CMYA5: variants seen among roughly 807,000 people sequenced by gnomAD.
The protein encoded by CMYA5 is cardiomyopathy associated 5.
CMYA5 carries 246 observed loss-of-function variants against 318.9 expected under a neutral mutation model. The ratio of observed to expected loss-of-function variants is 0.77; its 90% confidence interval spans 0.70 to 0.86. The LOEUF is 0.86. CMYA5 is among the 40% of genes least tolerant of loss of function. CMYA5 has a pLI of 0.00. For synonymous variants in CMYA5, 1,641 were observed against 1,729.5 expected (o/e 0.95, Z 1.27); for missense variants, 4,589 against 4,678.2 (o/e 0.98, Z 0.56).
chr5:79,748,528 T>TAC (rs1561218148), intron 5 of CMYA5, among the ~76,000 whole-genome samples: 3 of 131,292 alleles, frequency 2.3e-5, no homozygotes, highest in African/African-American at 1.2e-4. Flanking sequence ...TACCTATCTA[T>TAC]CTATCTATCT....
At chr5:79,710,999 C>T (rs867983183) in intron 1 of CMYA5, among the ~76,000 whole-genome samples, 31 of 152,230 alleles carry the variant, frequency 2.0e-4, no homozygotes, top group Middle Eastern at 3.4e-3. Context: ...CTAACTTATT[C>T]CAATACAGTC....
chr5:79,792,093 G>C (rs2151101018), intron 11 of CMYA5, among the ~76,000 whole-genome samples: 1 of 152,292 alleles, frequency 6.6e-6, no homozygotes, highest in East Asian at 1.9e-4. Context: ...GCCTGTCTGT[G>C]GCCAAGCTCA....
intron 9 of CMYA5, among the ~76,000 whole-genome samples, chr5:79,768,760 T>C (rs980574345): frequency 1.4e-5 from 2 of 143,922 alleles, no homozygotes; most frequent in East Asian, 2.2e-4. Flanking sequence ...GTGAATCAGA[T>C]GATTATGTGT....
intron 12 of CMYA5, among the ~76,000 whole-genome samples, chr5:79,797,064 A>G (rs1452818930): frequency 6.6e-6 from 1 of 152,242 alleles, no homozygotes; most frequent in East Asian, 1.9e-4. Flanking sequence ...TAATTTGCTA[A>G]CAACCTGTAC....
chr5:79,717,443 G>A (rs2151080287), intron 1 of CMYA5, among the ~76,000 whole-genome samples: 1 of 152,266 alleles, frequency 6.6e-6, no homozygotes, highest in South Asian at 2.1e-4. Context: ...GATTCCAGAA[G>A]TTCAGAGGCA....
In CMYA5 at chr5:79,737,916, G is replaced by A; in HGVS notation, c.9151G>A (p.Asp3051Asn). The change falls in exon 2 of 13, where the codon GAT (aspartate) becomes AAT (asparagine). Residue 3051 changes from aspartate to asparagine, a missense_variant. Coordinates refer to ENST00000446378, the MANE Select transcript of CMYA5 (RefSeq NM_153610.5). ...FIQPTIPSEE[D>N]YFEKYTLIDY... ...TCAGCCCACAATTCCCAGTGAAGAG[G>A]ATTATTTTGAAAAATATACTTTGAT... 6.2e-7 allele frequency: 1 copy of A among 1,606,296 alleles called. No individual in the cohort carries two copies. Among genetic ancestry groups the A allele is most frequent in the Non-Finnish European group, 8.5e-7 (1 of 1,178,114 alleles).
intron 9 of CMYA5, among the ~76,000 whole-genome samples, chr5:79,787,401 C>A (rs991884488): frequency 9.2e-5 from 14 of 152,180 alleles, no homozygotes; most frequent in African/African-American, 3.1e-4. Flanking sequence ...TAAAACATTT[C>A]TTCAGTCATC....
In CMYA5 at chr5:79,731,961, G is replaced by A; in HGVS notation, c.3196G>A (p.Ala1066Thr). 6.2e-7 allele frequency: 1 copy of A among 1,613,494 alleles called. No individual in the cohort carries two copies. The highest frequency in any genetic ancestry group is 8.5e-7 in the Non-Finnish European group (1 of 1,179,758). ...GTTCAGTTCATCACAGAAGCAAAAA[G>A]CTGAAACTTTCCCTTTGATGTCTCC... Reference protein sequence around the residue: ...EQFSSSQKQKAETFPLMSPLE... With the variant: ...EQFSSSQKQKTETFPLMSPLE... Residue 1066 changes from alanine (A) to threonine (T), a missense_variant, in exon 2 of 13, where the codon GCT (alanine) becomes ACT (threonine). Transcript: ENST00000446378.
rs1171231451 is a variant in CMYA5, at chr5:79,734,766, G to C, written c.6001G>C (p.Glu2001Gln). ...PKSLVLAGNV[E>Q]RNIAEGKEIH... The stretch of plus-strand genomic sequence containing the variant: ...GTCTTTAGTCCTAGCTGGAAATGTA[G>C]AGAGAAACATAGCAGAGGGGAAGGA... Residue 2001 changes from glutamate to glutamine, a missense_variant, in exon 2 of 13, where the codon GAG becomes CAG. This residue lies in a region of CMYA5 where 2,431 missense variants were observed against 2,495.1 expected (regional missense o/e 0.97). Coordinates refer to ENST00000446378, the MANE Select transcript of CMYA5 (RefSeq NM_153610.5). 3.1e-6 allele frequency: 5 copies of C among 1,613,708 alleles called. No individual in the cohort carries two copies. The highest frequency in any genetic ancestry group is 2.5e-6 in the Non-Finnish European group (3 of 1,179,840).
rs527286646 is a variant in CMYA5, at chr5:79,741,298, C to T, written c.10638+1895C>T. On this transcript the variant is annotated intron_variant, in intron 2 of 12. Coordinates refer to ENST00000446378, the MANE Select transcript of CMYA5 (RefSeq NM_153610.5). ...ATGATTTGCCCAAGGTCATGGAAGGCGAAACTGGGGCTGGTACCCAGATCT... is the reference window on the plus strand; with the variant it reads ...ATGATTTGCCCAAGGTCATGGAAGGTGAAACTGGGGCTGGTACCCAGATCT... Among the ~76,000 whole-genome samples the T allele has an allele frequency of 3.4e-4, 52 of 152,290 alleles. 1 individual carries two copies. Among genetic ancestry groups the T allele is most frequent in the African/African-American group, 1.1e-3 (46 of 41,566 alleles).
chr5:79,726,877 A>G (rs1202572762), intron 1 of CMYA5, among the ~76,000 whole-genome samples: 1 of 148,742 alleles, frequency 6.7e-6, no homozygotes, highest in Non-Finnish European at 1.5e-5. Context: ...TGTGCTATTT[A>G]AGTGTCAGAG....
chr5:79,714,465 G>A lies in CMYA5; in HGVS notation c.150-14450G>A, dbSNP rs575449101. Among the ~76,000 whole-genome samples the A allele has an allele frequency of 2.2e-4, 26 of 119,522 alleles. 1 individual carries two copies. The highest frequency in any genetic ancestry group is 6.5e-4 in the African/African-American group (19 of 29,400). 78.4% of individuals were successfully genotyped at this position (119,522 alleles called of 152,430 possible). A position where few individuals can be genotyped will look rare whatever the true frequency, so the allele number is the denominator to read the frequency against. ...TTTTTTTTTTTTGAGATGGGGTCTC[G>A]CTTTGTCTCCCAGGCTGGAGTGCAG... On this transcript the variant is annotated intron_variant, in intron 1 of 12. Coordinates refer to ENST00000446378, the MANE Select transcript of CMYA5 (RefSeq NM_153610.5).
At chr5:79,716,756 G>A (rs569647426) in intron 1 of CMYA5, among the ~76,000 whole-genome samples, 5 of 152,268 alleles carry the variant, frequency 3.3e-5, no homozygotes, top group East Asian at 3.9e-4. Context: ...TGTTGTACAG[G>A]TGAGGGCTTA....
intron 2 of CMYA5, among the ~76,000 whole-genome samples, chr5:79,742,159 T>TC (rs1561215705): frequency 7.1e-6 from 1 of 141,096 alleles, no homozygotes; most frequent in Non-Finnish European, 1.5e-5. Flanking sequence ...CCTCTTCCTT[T>TC]CCCCCCTCCT....
Position 79,729,405 on chromosome 5 carries a change from C to T in CMYA5, c.640C>T (p.Pro214Ser), listed in dbSNP as rs1827823623. The T allele has an allele frequency of 6.2e-7, 1 of 1,613,494 alleles. No homozygotes were observed. The highest frequency in any genetic ancestry group is 1.3e-5 in the African/African-American group (1 of 74,974). Reference protein sequence around the residue: ...ITGAIYKEHKPLVLRPVYIGT... With the variant: ...ITGAIYKEHKSLVLRPVYIGT... ...TGGGGCAATATACAAAGAACACAAG[C>T]CATTAGTGTTAAGACCAGTCTACAT... Residue 214 changes from proline (P) to serine (S), a missense_variant, in exon 2 of 13, where the codon CCA (proline) becomes TCA (serine). Transcript: ENST00000446378.
At position 79,731,794 on chromosome 5, in the gene CMYA5, C is replaced by T; in HGVS notation, c.3029C>T (p.Pro1010Leu). The change falls in exon 2 of 13, where the codon CCC (proline) becomes CTC (leucine). Residue 1010 changes from proline to leucine, a missense_variant. This residue lies in a region of CMYA5 where 2,132 missense variants were observed against 2,131.3 expected (regional missense o/e 1.00). Transcript: ENST00000446378. ...TCAGCATCACAAGTTTCAATCCCTC[C>T]CTTTAGAATCTCAGAAACAGAGAAA... ...PDSASQVSIP[P>L]FRISETEKNE... 2 of 1,612,950 alleles carry T rather than the reference C, an allele frequency of 1.2e-6. No homozygotes were observed. The highest frequency in any genetic ancestry group is 1.7e-6 in the Non-Finnish European group (2 of 1,179,536).
intron 9 of CMYA5, among the ~76,000 whole-genome samples, chr5:79,785,879 G>A (rs1360186796): frequency 6.6e-6 from 1 of 152,094 alleles, no homozygotes; most frequent in Non-Finnish European, 1.5e-5. Flanking sequence ...ACCCCATTGT[G>A]CACCTTAGTC....
intron 1 of CMYA5, among the ~76,000 whole-genome samples, chr5:79,725,640 C>T (rs6453478): frequency 0.9 from 136,676 of 152,338 alleles, 61,536 homozygotes; most frequent in African/African-American, 0.97. Flanking sequence ...CGGTGGCTCA[C>T]GCCTGTAGTC....
At chr5:79,713,809 C>T (rs1827460200) in intron 1 of CMYA5, among the ~76,000 whole-genome samples, 1 of 152,058 alleles carries the variant, frequency 6.6e-6, no homozygotes, top group African/African-American at 2.4e-5. Context: ...GCATGCGGCC[C>T]ACATGTAGTA....
Sources: allele counts gnomAD v4.1 joint callset (sites outside exome capture counted in the v4.1 genomes callset), GRCh38; gene constraint gnomAD v4.1.1; regional missense constraint gnomAD v4.1.1; transcripts MANE v1.5; gene names NCBI Gene and HGNC (gene_info 2026-07-23, HGNC 2026-07-21).